DCT: variants seen among roughly 807,000 people sequenced by gnomAD.
DCT encodes the protein dopachrome tautomerase.
A neutral mutation model predicts 53.0 loss-of-function variants in DCT; 47 were observed. The ratio of observed to expected loss-of-function variants is 0.89; its 90% CI spans 0.70 to 1.13. The LOEUF is 1.13. DCT is among the 50% of genes most tolerant of loss of function. DCT has a pLI of 0.00. For missense variants in DCT, 669 were observed against 637.4 expected (o/e 1.05, Z -0.53); for synonymous variants, 244 against 237.0 (o/e 1.03, Z -0.27).
chr13:94,532,326 C>T, the DCT span, among the ~76,000 whole-genome samples: 1 of 152,164 alleles, frequency 6.6e-6, no homozygotes, highest in Non-Finnish European at 1.5e-5. Flanking sequence ...ACTATAAAGA[C>T]ACATGCACAC....
At chr13:94,510,334 T>C in the DCT span, among the ~76,000 whole-genome samples, 1 of 152,184 alleles carries the variant, frequency 6.6e-6, no homozygotes, top group Non-Finnish European at 1.5e-5. Context: ...TCATCCTGTG[T>C]AGCCAAAGTG....
chr13:94,527,074 G>A, the DCT span, among the ~76,000 whole-genome samples: 3 of 152,182 alleles, frequency 2.0e-5, no homozygotes, highest in South Asian at 2.1e-4. Context: ...GGGGAGGGGC[G>A]TCTGCCATCG....
At chr13:94,540,230 A>G in the DCT span, among the ~76,000 whole-genome samples, 3 of 152,346 alleles carry the variant, frequency 2.0e-5, no homozygotes, top group Admixed American at 6.5e-5. Flanking sequence ...GAGAAGGAAG[A>G]AAGAAAGGAC....
At chr13:94,445,439 T>C (rs1882652486) in intron 6 of DCT, among the ~76,000 whole-genome samples, 1 of 152,160 alleles carries the variant, frequency 6.6e-6, no homozygotes, top group Non-Finnish European at 1.5e-5. Flanking sequence ...AGAGTGACCA[T>C]GATGGCGAGG....
chr13:94,460,331 G>A (rs1883701108), intron 5 of DCT, 105 bp from the exon 6 acceptor site: 2 of 1,051,094 alleles, frequency 1.9e-6, no homozygotes, highest in Admixed American at 5.0e-5. Flanking sequence ...GATTGGGTAG[G>A]GATATGGGAA....
At position 94,460,213 on chromosome 13, in the gene DCT, C is replaced by T; in HGVS notation, c.1057G>A (p.Gly353Arg). ...AGAGTCCCATCTGCTTTATCAAACC[C>T]TTCCAAAGCATTCCTAGGAGAAACA... ...STFSFRNALEGFDKADGTLDS... is the reference protein window; with the variant it reads ...STFSFRNALERFDKADGTLDS... The change falls in exon 6 of 8, where the codon GGG becomes AGG. Residue 353 changes from glycine (G) to arginine (R), a missense_variant. Physicochemically the swap from Gly to Arg is moderately radical, Grantham distance 125. Transcript: ENST00000377028. The T allele has an allele frequency of 6.2e-7, 1 of 1,613,672 alleles. No individual in the cohort carries two copies. Among genetic ancestry groups the T allele is most frequent in the Non-Finnish European group, 8.5e-7 (1 of 1,179,714 alleles).
intron 2 of DCT, 100 bp from the exon 3 acceptor site, chr13:94,466,758 G>T: frequency 1.6e-6 from 1 of 606,912 alleles, no homozygotes; most frequent in Non-Finnish European, 2.7e-6. Context: ...AGTCCATGAT[G>T]TTTTATAGTA....
intron 6 of DCT, among the ~76,000 whole-genome samples, chr13:94,446,050 G>A (rs1410229294): frequency 1.3e-5 from 2 of 152,166 alleles, no homozygotes; most frequent in African/African-American, 4.8e-5. Flanking sequence ...TGGGAGGGTA[G>A]CTAAGAGATC....
At chr13:94,527,064 G>A in the DCT span, among the ~76,000 whole-genome samples, 1 of 152,174 alleles carries the variant, frequency 6.6e-6, no homozygotes, top group African/African-American at 2.4e-5. Flanking sequence ...CAGCTTGACT[G>A]GGGAGGGGCG....
At chr13:94,535,793 G>A in the DCT span, among the ~76,000 whole-genome samples, 1 of 152,238 alleles carries the variant, frequency 6.6e-6, no homozygotes, top group Non-Finnish European at 1.5e-5. Flanking sequence ...GCTATGGCCA[G>A]TACTGTGATT....
chr13:94,534,799 G>A, the DCT span, among the ~76,000 whole-genome samples: 1 of 152,226 alleles, frequency 6.6e-6, no homozygotes, highest in Non-Finnish European at 1.5e-5. Flanking sequence ...AAACACTCTT[G>A]TTTGAATGCA....
At chr13:94,529,889 A>G in the DCT span, among the ~76,000 whole-genome samples, 3 of 152,180 alleles carry the variant, frequency 2.0e-5, no homozygotes, top group Non-Finnish European at 2.9e-5. Flanking sequence ...TTGATAGACC[A>G]CTAGCAAGAC....
the DCT span, among the ~76,000 whole-genome samples, chr13:94,509,404 C>G: frequency 6.6e-6 from 1 of 150,828 alleles, no homozygotes; most frequent in Non-Finnish European, 1.5e-5. Context: ...ACTGACATCT[C>G]CCCCCACACC....
At chr13:94,511,548 T>G in the DCT span, among the ~76,000 whole-genome samples, 1 of 151,898 alleles carries the variant, frequency 6.6e-6, no homozygotes, top group Non-Finnish European at 1.5e-5. Flanking sequence ...TTTGTAGAGA[T>G]GGGGTTTCAC....
chr13:94,523,902 A>G, the DCT span, among the ~76,000 whole-genome samples: 1 of 152,114 alleles, frequency 6.6e-6, no homozygotes, highest in Non-Finnish European at 1.5e-5. Flanking sequence ...CATTTCCCCC[A>G]AGCCCAAATC....
intron 6 of DCT, among the ~76,000 whole-genome samples, chr13:94,452,312 C>T (rs750490070): frequency 2.0e-5 from 3 of 152,142 alleles, no homozygotes; most frequent in East Asian, 1.9e-4. Context: ...GGATTACAGG[C>T]GTGAGCCACT....
chr13:94,528,826 A>G, the DCT span, among the ~76,000 whole-genome samples: 1 of 152,238 alleles, frequency 6.6e-6, no homozygotes, highest in African/African-American at 2.4e-5. Context: ...TAAAGCCCCA[A>G]TTAAAAGACA....
At chr13:94,502,585 G>A in the DCT span, among the ~76,000 whole-genome samples, 1 of 152,162 alleles carries the variant, frequency 6.6e-6, no homozygotes, top group Non-Finnish European at 1.5e-5. Context: ...ACACCCAGCA[G>A]GCATCTGGCC....
chr13:94,549,124 T>A, the DCT span, among the ~76,000 whole-genome samples: 2 of 152,356 alleles, frequency 1.3e-5, no homozygotes, highest in East Asian at 3.9e-4. Flanking sequence ...AGGGCCGGCC[T>A]CGGTGCGCCT....
Sources: gnomAD v4.1 joint callset for allele counts (sites outside exome capture counted in the v4.1 genomes callset) on GRCh38, gnomAD v4.1.1 for gene constraint, MANE v1.5 for transcripts, NCBI Gene and HGNC (gene_info 2026-07-23, HGNC 2026-07-21) for gene names.